Variants in UNC80 observed in about 807,000 individuals in gnomAD.
UNC80 encodes the protein protein unc-80 homolog.
Under a neutral mutation model 384.6 loss-of-function variants are expected in UNC80, and 164 were observed. The observed-to-expected ratio is 0.43, with a 90% confidence interval of 0.38 to 0.49. The LOEUF is 0.49. Among genes scored for constraint, UNC80 ranks in the 20% least tolerant of loss-of-function variants. The pLI is 0.00. For missense variants in UNC80, 3,330 were observed against 4,143.0 expected (o/e 0.80, Z 5.39); for synonymous variants, 1,486 against 1,527.8 (o/e 0.97, Z 0.64).
intron 25 of UNC80, 64 bp from the exon 26 acceptor site, chr2:209,888,031 G>A (rs2085986141): frequency 6.7e-7 from 1 of 1,494,624 alleles, no homozygotes; most frequent in Admixed American, 2.1e-5. Context: ...TGGGAGGCTT[G>A]CCGCGAGACC....
In UNC80 at chr2:209,882,274, C is replaced by T. The variant is rs148531608; in HGVS notation, c.4110+1180C>T. On this transcript the variant is annotated intron_variant, in intron 25 of 64. Coordinates refer to ENST00000673920, the MANE Select transcript of UNC80 (RefSeq NM_001371986.1). ...GCCACCGCGCCTGGCCACGTTTCCT[C>T]CTTTTTAAACCAAACTCGGCATGAG... 3.3e-5 allele frequency among the ~76,000 whole-genome samples: 5 copies of T among 152,148 alleles called. No homozygotes were observed. The East Asian group carries it at 9.7e-4, about 30-fold the overall frequency.
intron 22 of UNC80, among the ~76,000 whole-genome samples, chr2:209,861,492 A>G (rs111351248): frequency 6.6e-6 from 1 of 151,130 alleles, no homozygotes; most frequent in South Asian, 2.1e-4. Context: ...CATCAGGCTC[A>G]TTCTTTTTAT....
intron 36 of UNC80, among the ~76,000 whole-genome samples, chr2:209,927,783 C>T (rs1338353318): frequency 1.3e-5 from 2 of 152,194 alleles, no homozygotes; most frequent in East Asian, 3.9e-4. Flanking sequence ...GATTTGGCTT[C>T]TAGCAATTTC....
At chr2:209,788,381 C>T (rs1333789326) in intron 5 of UNC80, among the ~76,000 whole-genome samples, 2 of 150,042 alleles carry the variant, frequency 1.3e-5, no homozygotes. Flanking sequence ...CGCACCATTG[C>T]ACTCCAGCCT....
chr2:209,969,544 T>C, intron 52 of UNC80: 1 of 534,306 alleles, frequency 1.9e-6, no homozygotes, highest in Non-Finnish European at 3.2e-6. Context: ...TCATCTCTGT[T>C]TTTTCTTCAA....
chr2:209,810,568 T>C (rs1177478798), intron 7 of UNC80, among the ~76,000 whole-genome samples: 1 of 148,838 alleles, frequency 6.7e-6, no homozygotes, highest in African/African-American at 2.6e-5. Context: ...TTCGTATCCT[T>C]CTTGGAAGGA....
In UNC80 at chr2:209,840,583, G is replaced by C; in HGVS notation, c.3292G>C (p.Gly1098Arg). ...KRSSLSGLAD[G>R]VEDLLDISSV... ...ATCATCCCTCTCAGGCCTGGCAGAT[G>C]GTGTGGAGGACCTCCTGGACATTAG... is the stretch of plus-strand genomic sequence containing the variant. Residue 1098 changes from glycine (G) to arginine (R), a missense_variant, in exon 20 of 65, where the codon GGT becomes CGT. By Grantham distance (125) the Gly-to-Arg change is moderately radical. Around this residue, in one of 8 missense-constraint regions of UNC80, gnomAD observed 801 missense variants for 950.8 expected, o/e 0.84. Coordinates refer to ENST00000673920, the MANE Select transcript of UNC80 (RefSeq NM_001371986.1). The C allele has an allele frequency of 6.4e-7, 1 of 1,551,888 alleles. No homozygotes were observed. Among genetic ancestry groups the C allele is most frequent in the Non-Finnish European group, 8.7e-7 (1 of 1,147,012 alleles).
Position 209,996,734 on chromosome 2 carries a change from A to G in UNC80, c.*1139A>G, listed in dbSNP as rs370861679. The stretch of plus-strand genomic sequence containing the variant: ...AACACTTAGAAGGCTTGTGAGGCCA[A>G]CACCTAGTGTGTTACTGATCCTATG... On this transcript the variant is annotated 3_prime_UTR_variant, in exon 65 of 65. Coordinates refer to ENST00000673920, the MANE Select transcript of UNC80 (RefSeq NM_001371986.1). The G allele has an allele frequency of 1.0e-3, 153 of 152,318 alleles. No individual in the cohort carries two copies. Among genetic ancestry groups the G allele is most frequent in the African/African-American group, 3.5e-3 (147 of 41,586 alleles). 9.4% of individuals were successfully genotyped at this position (152,318 alleles called of 1,614,324 possible). A position where few individuals can be genotyped will look rare whatever the true frequency, so the allele number is the denominator to read the frequency against.
chr2:209,927,102 C>T, intron 36 of UNC80, 116 bp downstream of exon 36: 5 of 1,114,258 alleles, frequency 4.5e-6, no homozygotes, highest in Non-Finnish European at 6.4e-6. Context: ...CTGTTTTATG[C>T]ACATATTATA....
chr2:209,864,686 G>A (rs1214089754), intron 22 of UNC80, among the ~76,000 whole-genome samples: 2 of 152,340 alleles, frequency 1.3e-5, no homozygotes, highest in Middle Eastern at 3.4e-3. Flanking sequence ...ACTTGTCTTG[G>A]GACCAAGCTG....
chr2:209,934,097 A>C, intron 39 of UNC80, 92 bp downstream of exon 39: 1 of 1,288,978 alleles, frequency 7.8e-7, no homozygotes, highest in African/African-American at 1.5e-5. Flanking sequence ...TTCATGAGAA[A>C]ATTTTCAGAG....
intron 20 of UNC80, 94 bp from the exon 21 acceptor site, chr2:209,842,256 T>G (rs1156943483): frequency 3.3e-6 from 3 of 917,908 alleles, no homozygotes. Flanking sequence ...TGAAAATGAG[T>G]AAACAACTCA....
At position 209,785,705 on chromosome 2, in the gene UNC80, A is replaced by G. The variant is rs556458124; in HGVS notation, c.601-361A>G. On this transcript the variant is annotated intron_variant, in intron 4 of 64. Coordinates refer to ENST00000673920, the MANE Select transcript of UNC80 (RefSeq NM_001371986.1). ...GAGAATAAGGACAACTAAAAAATTA[A>G]GAGGAATGATAATAATAACCAAAGT... Among the ~76,000 whole-genome samples the G allele has an allele frequency of 5.3e-5, 8 of 152,328 alleles. No individual in the cohort carries two copies. In the East Asian group the frequency reaches 1.3e-3, roughly 26 times the overall value.
chr2:209,849,656 C>G, intron 22 of UNC80, 33 bp downstream of exon 22: 1 of 1,545,628 alleles, frequency 6.5e-7, no homozygotes, highest in Admixed American at 2.0e-5. Flanking sequence ...CCACCCTGCC[C>G]CCCATCCCAA....
chr2:209,959,495 C>T lies in UNC80; in HGVS notation c.7593C>T (p.Asn2531=), dbSNP rs1475316979. 2.6e-6 allele frequency: 4 copies of T among 1,551,474 alleles called. No individual in the cohort carries two copies. Among genetic ancestry groups the T allele is most frequent in the African/African-American group, 2.7e-5 (2 of 73,020 alleles). Reference sequence around the variant, plus strand: ...ATCTTTCACAATTTCCCAGGGAAAACCTTCATTTACTGGAGGAAGGGCAAG... The same window carrying T: ...ATCTTTCACAATTTCCCAGGGAAAATCTTCATTTACTGGAGGAAGGGCAAG... ...QGAKLHFIRE[N]LHLLEEGQGI... is the part of the protein sequence containing the mutation. Residue 2531 remains asparagine, a synonymous_variant, in exon 51 of 65, where the codon AAC becomes AAT. Transcript: ENST00000673920.
chr2:209,918,420 G>A (rs2089739385), intron 32 of UNC80, 112 bp from the exon 33 acceptor site: 1 of 1,237,174 alleles, frequency 8.1e-7, no homozygotes, highest in Admixed American at 2.5e-5. Context: ...CATTCTGTGT[G>A]AAGTCACTTG....
In UNC80 at chr2:209,904,874, C is replaced by T; in HGVS notation, c.4691C>T (p.Ala1564Val). Residue 1564 changes from alanine to valine, a missense_variant, in exon 29 of 65, where the codon GCC (alanine) becomes GTC (valine). This residue lies in a region of UNC80 where 801 missense variants were observed against 950.8 expected (regional missense o/e 0.84). Coordinates refer to ENST00000673920, the MANE Select transcript of UNC80 (RefSeq NM_001371986.1). Reference sequence around the variant, plus strand: ...CGCTCCTGTGCCCGACTGGTCAGAGCCATCAAGCTACTCTATGGAGACAGT... The same window carrying T: ...CGCTCCTGTGCCCGACTGGTCAGAGTCATCAAGCTACTCTATGGAGACAGT... The part of the protein sequence containing the change: ...HSRSCARLVR[A>V]IKLLYGDSVD... The T allele has an allele frequency of 6.4e-7, 1 of 1,551,880 alleles. No individual in the cohort carries two copies. Among genetic ancestry groups the T allele is most frequent in the South Asian group, 1.2e-5 (1 of 84,058 alleles).
chr2:209,916,950 T>C (rs965594342), intron 31 of UNC80, among the ~76,000 whole-genome samples: 2 of 152,220 alleles, frequency 1.3e-5, no homozygotes, highest in African/African-American at 4.8e-5. Context: ...ATTGTTCTTA[T>C]TGGGAGGTTC....
At chr2:209,912,811 C>T in intron 30 of UNC80, 144 bp downstream of exon 30, 1 of 588,142 alleles carries the variant, frequency 1.7e-6, no homozygotes, top group South Asian at 2.3e-5. Flanking sequence ...GCAAGAGTGC[C>T]ACCAAGTGTG....
Sources: gnomAD v4.1 joint callset for allele counts (sites outside exome capture counted in the v4.1 genomes callset) on GRCh38, gnomAD v4.1.1 for gene constraint, gnomAD v4.1.1 regional missense constraint, MANE v1.5 for transcripts, NCBI Gene and HGNC (gene_info 2026-07-23, HGNC 2026-07-21) for gene names.